Variants in CELF2 observed in about 807,000 individuals in gnomAD.
The protein encoded by CELF2 is CUG triplet repeat RNA-binding protein 2.
Under a neutral mutation model 62.6 loss-of-function variants are expected in CELF2, and 8 were observed. The ratio of observed to expected loss-of-function variants is 0.13; its 90% confidence interval spans 0.07 to 0.23. CELF2 has a LOEUF of 0.23. CELF2 is among the 10% of genes least tolerant of loss of function. CELF2 has a pLI of 1.00. For synonymous variants in CELF2, 258 were observed against 250.0 expected, an observed-to-expected ratio of 1.03 and a Z score of -0.30; for missense variants, 333 against 671.0, an observed-to-expected ratio of 0.50 and a Z score of 5.56.
the CELF2 span, among the ~76,000 whole-genome samples, chr10:10,560,214 G>A: frequency 6.6e-6 from 1 of 152,268 alleles, no homozygotes; most frequent in Admixed American, 6.5e-5. Context: ...TTTCTAAGGT[G>A]AGTACTCCTC....
chr10:10,913,857 G>A (rs912909774), intron 1 of CELF2, among the ~76,000 whole-genome samples: 34 of 23,732 alleles, frequency 1.4e-3, no homozygotes, highest in African/African-American at 4.2e-3. Context: ...GAGGGAAGGA[G>A]AGAAGGAAGG....
intron 2 of CELF2, among the ~76,000 whole-genome samples, chr10:11,168,736 C>A (rs2067960112): frequency 6.6e-6 from 1 of 152,098 alleles, no homozygotes; most frequent in Admixed American, 6.5e-5. Flanking sequence ...ATTAGATTTT[C>A]CCCCTCACTT....
chr10:11,289,348 G>A (rs1018103193), intron 9 of CELF2, among the ~76,000 whole-genome samples: 7 of 152,074 alleles, frequency 4.6e-5, no homozygotes, highest in African/African-American at 1.7e-4. Context: ...CCTATCAGCT[G>A]CGCCCCAAGG....
At chr10:10,553,188 G>A in the CELF2 span, among the ~76,000 whole-genome samples, 1 of 152,184 alleles carries the variant, frequency 6.6e-6, no homozygotes, top group African/African-American at 2.4e-5. Context: ...AGGCAAGAGA[G>A]CTTGGTTCAG....
At chr10:10,792,654 C>A in the CELF2 span, 1 of 386,828 alleles carries the variant, frequency 2.6e-6, no homozygotes, top group Non-Finnish European at 4.6e-6. Flanking sequence ...ACTATCTGAG[C>A]CACAGATTTT....
At chr10:11,115,179 T>G (rs1380613185) in intron 1 of CELF2, among the ~76,000 whole-genome samples, 5 of 151,992 alleles carry the variant, frequency 3.3e-5, no homozygotes, top group African/African-American at 1.2e-4. Context: ...AGTAGTGAGA[T>G]GTACACATCT....
the CELF2 span, among the ~76,000 whole-genome samples, chr10:10,762,592 A>G: frequency 5.3e-5 from 8 of 152,316 alleles, no homozygotes; most frequent in South Asian, 2.1e-4. Flanking sequence ...TCCGGAATCC[A>G]CTAGGCAAGC....
At chr10:10,876,016 C>T (rs556993724) in intron 1 of CELF2, among the ~76,000 whole-genome samples, 45 of 152,366 alleles carry the variant, frequency 3.0e-4, no homozygotes, top group Non-Finnish European at 6.0e-4. Flanking sequence ...TTGCCACCAT[C>T]TGAAAGCCTT....
the CELF2 span, among the ~76,000 whole-genome samples, chr10:10,778,652 T>C: frequency 2.0e-5 from 3 of 152,348 alleles, no homozygotes; most frequent in East Asian, 3.9e-4. Context: ...CATGGTGATA[T>C]ACCTTTTGCT....
At chr10:10,708,509 T>C in the CELF2 span, among the ~76,000 whole-genome samples, 268 of 152,212 alleles carry the variant, frequency 1.8e-3, 2 homozygotes, top group Non-Finnish European at 2.4e-3. Context: ...AAATTAAAAC[T>C]TAACAAATAT....
At chr10:10,554,019 A>C in the CELF2 span, among the ~76,000 whole-genome samples, 1 of 152,166 alleles carries the variant, frequency 6.6e-6, no homozygotes, top group Admixed American at 6.5e-5. Flanking sequence ...GATAGACTGG[A>C]AAGTGGCAGG....
At chr10:10,714,959 G>A in the CELF2 span, among the ~76,000 whole-genome samples, 1 of 152,080 alleles carries the variant, frequency 6.6e-6, no homozygotes, top group Non-Finnish European at 1.5e-5. Flanking sequence ...ATTCATCGCA[G>A]GGTGACTTTA....
chr10:10,688,607 G>A, the CELF2 span, among the ~76,000 whole-genome samples: 1 of 152,098 alleles, frequency 6.6e-6, no homozygotes, highest in South Asian at 2.1e-4. Context: ...AGTTATTCCT[G>A]GCACCTTTAT....
intron 7 of CELF2, among the ~76,000 whole-genome samples, chr10:11,271,932 A>G (rs1402994442): frequency 6.6e-6 from 1 of 152,176 alleles, no homozygotes; most frequent in Non-Finnish European, 1.5e-5. Flanking sequence ...GAGGTTACGT[A>G]ACGTTACCCA....
intron 9 of CELF2, among the ~76,000 whole-genome samples, chr10:11,308,111 T>C (rs950443709): frequency 6.6e-6 from 1 of 152,262 alleles, no homozygotes; most frequent in African/African-American, 2.4e-5. Context: ...TAACTTCTCA[T>C]CCATTGTTTC....
chr10:11,152,206 A>G (rs1398436817), intron 1 of CELF2, among the ~76,000 whole-genome samples: 1 of 152,188 alleles, frequency 6.6e-6, no homozygotes, highest in Non-Finnish European at 1.5e-5. Flanking sequence ...GCCCCACAAA[A>G]ACATATTCAT....
At chr10:10,814,247 C>T (rs1202051980) in intron 1 of CELF2, among the ~76,000 whole-genome samples, 3 of 114,896 alleles carry the variant, frequency 2.6e-5, no homozygotes, top group African/African-American at 6.1e-5. Flanking sequence ...AAAAGCTGCT[C>T]TAAAGGGACT....
intron 1 of CELF2, among the ~76,000 whole-genome samples, chr10:10,801,612 G>A (rs1301185881): frequency 6.6e-6 from 1 of 152,124 alleles, no homozygotes; most frequent in African/African-American, 2.4e-5. Flanking sequence ...CCCCATTCTG[G>A]TAAAGAGAAA....
intron 1 of CELF2, among the ~76,000 whole-genome samples, chr10:11,149,284 C>T (rs960642704): frequency 3.3e-5 from 5 of 152,120 alleles, no homozygotes; most frequent in African/African-American, 4.8e-5. Flanking sequence ...TTGGCCAGAC[C>T]GGTCTTGAAT....
Sources: allele counts gnomAD v4.1 joint callset (sites outside exome capture counted in the v4.1 genomes callset), GRCh38; gene constraint gnomAD v4.1.1; transcripts MANE v1.5; gene names NCBI Gene and HGNC (gene_info 2026-07-23, HGNC 2026-07-21).